CBFA2T2: variants seen among roughly 807,000 people sequenced by gnomAD.
CBFA2T2 encodes CBFA2/RUNX1 partner transcriptional co-repressor 2, also known as protein CBFA2T2.
In CBFA2T2, 11 loss-of-function variants were observed where a neutral mutation model predicts 62.2. The ratio of observed to expected loss-of-function variants is 0.18; its 90% confidence interval spans 0.11 to 0.29. CBFA2T2 has a LOEUF of 0.29. CBFA2T2 is among the 10% of genes least tolerant of loss of function. CBFA2T2 has a pLI of 1.00. For missense variants in CBFA2T2, 592 were observed against 774.1 expected (o/e 0.76, Z 2.79); for synonymous variants, 295 against 287.5 (o/e 1.03, Z -0.27).
intron 1 of CBFA2T2, among the ~76,000 whole-genome samples, chr20:33,567,831 G>T (rs750182121): frequency 1.3e-5 from 2 of 152,102 alleles, no homozygotes; most frequent in African/African-American, 4.8e-5. Flanking sequence ...TGATCTACCC[G>T]CTTCGGCCTC....
intron 1 of CBFA2T2, among the ~76,000 whole-genome samples, chr20:33,521,941 C>G (rs2011741554): frequency 6.6e-6 from 1 of 151,908 alleles, no homozygotes; most frequent in Non-Finnish European, 1.5e-5. Context: ...ATATTTCCAG[C>G]TCGTTAACTT....
chr20:33,538,865 A>C (rs548607434), intron 1 of CBFA2T2, among the ~76,000 whole-genome samples: 1 of 147,904 alleles, frequency 6.8e-6, no homozygotes, highest in African/African-American at 2.5e-5. Context: ...TTTTTTAATT[A>C]GTTAATGGCT....
chr20:33,526,352 A>C (rs1480889932), intron 1 of CBFA2T2, among the ~76,000 whole-genome samples: 1 of 152,210 alleles, frequency 6.6e-6, no homozygotes, highest in Non-Finnish European at 1.5e-5. Context: ...ACTGACAAAA[A>C]TGTGACTAGA....
intron 1 of CBFA2T2, among the ~76,000 whole-genome samples, chr20:33,579,605 A>G (rs554541055): frequency 7.4e-4 from 88 of 119,268 alleles, no homozygotes; most frequent in African/African-American, 2.6e-3. Context: ...GTTAATTTGT[A>G]TCTATTTGGA....
In CBFA2T2 at chr20:33,644,613, T is replaced by G. The variant is rs1334714140; in HGVS notation, c.1755T>G (p.Ala585=). Residue 585 remains alanine (A), a synonymous_variant, in exon 11 of 11, where the codon GCT becomes GCG. Coordinates refer to ENST00000342704, the MANE Select transcript of CBFA2T2 (RefSeq NM_001032999.3). ...CCACATCGCGTTCCTCAACACCTGCTTCTGTGACAGCTATCGACACCAACG... is the reference window on the plus strand; with the variant it reads ...CCACATCGCGTTCCTCAACACCTGCGTCTGTGACAGCTATCGACACCAACG... ...SATTSRSSTP[A]SVTAIDTNGL 1 of 1,610,264 alleles carries G rather than the reference T, an allele frequency of 6.2e-7. No individual in the cohort carries two copies. Among genetic ancestry groups the G allele is most frequent in the Admixed American group, 1.7e-5 (1 of 59,924 alleles).
intron 1 of CBFA2T2, among the ~76,000 whole-genome samples, chr20:33,551,940 A>G (rs1183883620): frequency 6.6e-6 from 1 of 151,560 alleles, no homozygotes; most frequent in Non-Finnish European, 1.5e-5. Context: ...TGCTTACGTA[A>G]AATTCTTGAT....
intron 1 of CBFA2T2, among the ~76,000 whole-genome samples, chr20:33,523,407 A>G (rs1040521311): frequency 1.3e-5 from 2 of 150,634 alleles, no homozygotes; most frequent in African/African-American, 4.9e-5. Flanking sequence ...AGCCTCCCAT[A>G]TATGTTTGCA....
intron 6 of CBFA2T2, among the ~76,000 whole-genome samples, chr20:33,627,968 C>T (rs946220090): frequency 3.9e-5 from 6 of 152,174 alleles, no homozygotes; most frequent in Admixed American, 2.0e-4. Context: ...AGTGGTTATA[C>T]CAGTACACAC....
chr20:33,570,335 A>G (rs1481127602), intron 1 of CBFA2T2, among the ~76,000 whole-genome samples: 3 of 152,352 alleles, frequency 2.0e-5, no homozygotes, highest in Middle Eastern at 3.4e-3. Flanking sequence ...CTGGCAGCCA[A>G]CATTTTACGT....
chr20:33,640,034 C>T (rs2016772015), intron 9 of CBFA2T2, among the ~76,000 whole-genome samples: 1 of 152,224 alleles, frequency 6.6e-6, no homozygotes, highest in Admixed American at 6.5e-5. Context: ...CTCCTTGGAA[C>T]TCTAGTCTCT....
intron 1 of CBFA2T2, among the ~76,000 whole-genome samples, chr20:33,526,498 C>T (rs2011891379): frequency 6.6e-6 from 1 of 152,118 alleles, no homozygotes. Flanking sequence ...GGATTTGTGA[C>T]CTGTTTTCAC....
intron 5 of CBFA2T2, 82 bp from the exon 6 acceptor site, chr20:33,624,682 C>T (rs771979183): frequency 6.7e-7 from 1 of 1,489,650 alleles, no homozygotes; most frequent in Non-Finnish European, 9.2e-7. Flanking sequence ...AGCAAAATAC[C>T]TAATACATAG....
At chr20:33,523,615 G>C (rs543918844) in intron 1 of CBFA2T2, among the ~76,000 whole-genome samples, 26 of 152,268 alleles carry the variant, frequency 1.7e-4, no homozygotes, top group African/African-American at 6.3e-4. Flanking sequence ...ATACTTTGAA[G>C]AAAAATAAGC....
chr20:33,629,691 T>C (rs1368319029), intron 7 of CBFA2T2, 28 bp from the exon 8 acceptor site: 3 of 1,596,288 alleles, frequency 1.9e-6, no homozygotes, highest in Admixed American at 1.8e-5. Flanking sequence ...TCTTATCTCA[T>C]CTCTGCCTGG....
intron 1 of CBFA2T2, among the ~76,000 whole-genome samples, chr20:33,568,393 G>A (rs2013425084): frequency 6.6e-6 from 1 of 152,172 alleles, no homozygotes; most frequent in South Asian, 2.1e-4. Context: ...TGGGAGAAGG[G>A]TGCGTGTAGA....
At chr20:33,561,119 G>A (rs566649766) in intron 1 of CBFA2T2, among the ~76,000 whole-genome samples, 1 of 152,224 alleles carries the variant, frequency 6.6e-6, no homozygotes, top group African/African-American at 2.4e-5. Context: ...CTTGTGATCC[G>A]CTTGCCTCGG....
intron 8 of CBFA2T2, among the ~76,000 whole-genome samples, chr20:33,634,626 G>A (rs549752559): frequency 7.8e-5 from 11 of 140,692 alleles, no homozygotes; most frequent in African/African-American, 2.9e-4. Context: ...AGCTGAGTTC[G>A]TGCCAATGCA....
In CBFA2T2 at chr20:33,646,452, AC is replaced by A. The variant is rs1173971547; in HGVS notation, c.*1808del. ...CTTTGAAGCACAAGTTTAAATCTCCACCTTCTGTGCACTGACCAGAGTCTAA... is the reference window on the plus strand; with the variant it reads ...CTTTGAAGCACAAGTTTAAATCTCCACTTCTGTGCACTGACCAGAGTCTAA... On this transcript the variant is annotated 3_prime_UTR_variant, in exon 11 of 11. Transcript: ENST00000342704. The A allele has an allele frequency of 6.6e-6, 1 of 152,156 alleles. No homozygotes were observed. The highest frequency in any genetic ancestry group is 1.5e-5 in the Non-Finnish European group (1 of 68,056). The allele number at this position is 152,156 out of a possible 1,614,324, so 9.4% of individuals were successfully genotyped here.
chr20:33,490,575 A>G (rs974292929), intron 1 of CBFA2T2, among the ~76,000 whole-genome samples: 20 of 152,076 alleles, frequency 1.3e-4, no homozygotes, highest in Non-Finnish European at 2.4e-4. Flanking sequence ...GCCGGCGTCC[A>G]TGGGACTTGC....
Sources: allele counts gnomAD v4.1 joint callset (sites outside exome capture counted in the v4.1 genomes callset), GRCh38; gene constraint gnomAD v4.1.1; transcripts MANE v1.5; gene names NCBI Gene and HGNC (gene_info 2026-07-23, HGNC 2026-07-21).